Variants in IMMP2L observed in about 807,000 individuals in gnomAD.
The protein encoded by IMMP2L is inner mitochondrial membrane peptidase subunit 2.
In IMMP2L, 18 loss-of-function variants were observed where a neutral mutation model predicts 19.3. That is an observed-to-expected ratio of 0.93 (90% CI 0.64 to 1.38). IMMP2L has a LOEUF of 1.38. Ranked by LOEUF, IMMP2L falls within the 40% of genes most tolerant of loss-of-function variation. IMMP2L has a pLI of 0.00. For synonymous variants in IMMP2L, 76 were observed against 73.0 expected (o/e 1.04, Z -0.21); for missense variants, 233 against 218.2 (o/e 1.07, Z -0.43).
At chr7:110,753,277 C>G (rs1319244791) in intron 5 of IMMP2L, among the ~76,000 whole-genome samples, 1 of 151,996 alleles carries the variant, frequency 6.6e-6, no homozygotes, top group Non-Finnish European at 1.5e-5. Flanking sequence ...AGACTCTACT[C>G]AACATGATCT....
chr7:110,885,232 C>A (rs1810097790), intron 5 of IMMP2L, among the ~76,000 whole-genome samples: 1 of 151,518 alleles, frequency 6.6e-6, no homozygotes, highest in Non-Finnish European at 1.5e-5. Flanking sequence ...CATATCTAAT[C>A]CCAAAATTTG....
chr7:110,676,173 G>A (rs1301873805), intron 5 of IMMP2L, among the ~76,000 whole-genome samples: 6 of 152,200 alleles, frequency 3.9e-5, no homozygotes, highest in Admixed American at 2.0e-4. Flanking sequence ...CTTCTGTGAT[G>A]TTATGTAATA....
At chr7:111,207,364 A>T (rs1396798753) in intron 3 of IMMP2L, among the ~76,000 whole-genome samples, 1 of 152,144 alleles carries the variant, frequency 6.6e-6, no homozygotes, top group Non-Finnish European at 1.5e-5. Flanking sequence ...AATTCCTAGA[A>T]TAATGTAAGA....
chr7:111,346,985 A>T (rs1426530735), intron 3 of IMMP2L, among the ~76,000 whole-genome samples: 1 of 152,124 alleles, frequency 6.6e-6, no homozygotes, highest in African/African-American at 2.4e-5. Context: ...AGGGTTTAAA[A>T]AGTCTCTGTC....
rs201702557 is a variant in IMMP2L, at chr7:110,717,484, C to CA, written c.409-53764dup. The stretch of plus-strand genomic sequence containing the variant: ...CGTCTCAAAACAAAACAAAACAAAA[C>CA]AAAAACAAAAACAACTCAAAGTGTA... On this transcript the variant is annotated intron_variant, in intron 5 of 5. Transcript: ENST00000405709. 3.1e-3 allele frequency among the ~76,000 whole-genome samples: 466 copies of CA among 150,842 alleles called. 4 individuals are homozygous for CA. Among genetic ancestry groups the CA allele is most frequent in the African/African-American group, 0.011 (436 of 41,120 alleles).
rs371755861 is a variant in IMMP2L, at chr7:110,696,427, T to C, written c.409-32706A>G. Among the ~76,000 whole-genome samples the C allele has an allele frequency of 2.1e-3, 282 of 134,972 alleles. 2 individuals are homozygous for C. The highest frequency in any genetic ancestry group is 4.3e-3 in the Middle Eastern group (1 of 232). 88.5% of individuals were successfully genotyped at this position (134,972 alleles called of 152,430 possible). A position where few individuals can be genotyped will look rare whatever the true frequency, so the allele number is the denominator to read the frequency against. On this transcript the variant is annotated intron_variant, in intron 5 of 5. Coordinates refer to ENST00000405709, the MANE Select transcript of IMMP2L (RefSeq NM_032549.4). The stretch of plus-strand genomic sequence containing the variant: ...TGCACTGAGACATTCCTTTTTCTCT[T>C]TTTTTTTTTTTTTTTTTGAGACAGA...
chr7:111,132,462 A>G (rs1801940288), intron 3 of IMMP2L, among the ~76,000 whole-genome samples: 1 of 152,058 alleles, frequency 6.6e-6, no homozygotes, highest in African/African-American at 2.4e-5. Flanking sequence ...GTTTGAGAAG[A>G]CAGAAACTTC....
chr7:110,859,529 G>A (rs548542352), intron 5 of IMMP2L, among the ~76,000 whole-genome samples: 1 of 151,736 alleles, frequency 6.6e-6, no homozygotes, highest in Non-Finnish European at 1.5e-5. Context: ...GACTGCTTGA[G>A]CTCAGGAGTT....
chr7:110,899,727 G>C (rs556820987), intron 4 of IMMP2L, among the ~76,000 whole-genome samples: 63 of 152,204 alleles, frequency 4.1e-4, no homozygotes, highest in African/African-American at 1.5e-3. Context: ...GGGTGGCAGG[G>C]TGCTAACCTA....
chr7:111,318,809 C>CTA (rs1400445136), intron 3 of IMMP2L, among the ~76,000 whole-genome samples: 1 of 152,000 alleles, frequency 6.6e-6, no homozygotes, highest in African/African-American at 2.4e-5. Context: ...TTGGTATTAT[C>CTA]TATATTTCAA....
At chr7:111,257,883 C>A (rs1163717798) in intron 3 of IMMP2L, among the ~76,000 whole-genome samples, 2 of 151,928 alleles carry the variant, frequency 1.3e-5, no homozygotes, top group Admixed American at 6.6e-5. Flanking sequence ...CTGCACCCAG[C>A]AACTCGTAAT....
chr7:111,044,680 G>T (rs1272966427), intron 3 of IMMP2L, among the ~76,000 whole-genome samples: 2 of 152,188 alleles, frequency 1.3e-5, no homozygotes, highest in African/African-American at 4.8e-5. Context: ...AAAATTGGTT[G>T]ATGAGTGACA....
chr7:111,329,997 A>G (rs1032762834), intron 3 of IMMP2L, among the ~76,000 whole-genome samples: 1 of 151,898 alleles, frequency 6.6e-6, no homozygotes, highest in Non-Finnish European at 1.5e-5. Context: ...CAGTGGCAAA[A>G]CAGAAGAAAA....
chr7:111,242,085 A>C (rs1815129584), intron 3 of IMMP2L, among the ~76,000 whole-genome samples: 1 of 152,010 alleles, frequency 6.6e-6, no homozygotes, highest in South Asian at 2.1e-4. Flanking sequence ...TGATTTTTTT[A>C]ATGAAGGTTA....
chr7:111,340,820 A>T (rs1826936153), intron 3 of IMMP2L, among the ~76,000 whole-genome samples: 1 of 152,152 alleles, frequency 6.6e-6, no homozygotes, highest in Non-Finnish European at 1.5e-5. Context: ...CAGTGAAAGA[A>T]GTCAGGCACA....
At chr7:111,519,268 G>A (rs906267285) in intron 2 of IMMP2L, among the ~76,000 whole-genome samples, 1 of 152,222 alleles carries the variant, frequency 6.6e-6, no homozygotes, top group African/African-American at 2.4e-5. Flanking sequence ...AAAAAAGACG[G>A]AGCACTCCAG....
At chr7:110,688,368 A>C (rs528223924) in intron 5 of IMMP2L, among the ~76,000 whole-genome samples, 10 of 152,126 alleles carry the variant, frequency 6.6e-5, no homozygotes, top group Non-Finnish European at 1.5e-4. Context: ...TGACTACAAA[A>C]CAGACAGCTA....
At chr7:110,925,409 C>A (rs536855434) in intron 4 of IMMP2L, among the ~76,000 whole-genome samples, 41 of 152,106 alleles carry the variant, frequency 2.7e-4, no homozygotes, top group Non-Finnish European at 1.2e-4. Context: ...TACCAGGACA[C>A]ACACTTGTTT....
intron 3 of IMMP2L, chr7:111,122,823 T>A (rs1178812888): frequency 6.2e-7 from 1 of 1,613,910 alleles, no homozygotes; most frequent in Non-Finnish European, 8.5e-7. Flanking sequence ...TAGCTATCAC[T>A]ACACTAGTAC....
Sources: gnomAD v4.1 joint callset for allele counts (sites outside exome capture counted in the v4.1 genomes callset) on GRCh38, gnomAD v4.1.1 for gene constraint, MANE v1.5 for transcripts, NCBI Gene and HGNC (gene_info 2026-07-23, HGNC 2026-07-21) for gene names.